GALNT13: variants seen among roughly 807,000 people sequenced by gnomAD.
The protein encoded by GALNT13 is polypeptide N-acetylgalactosaminyltransferase 13, also known as UDP-GalNAc:polypeptide N-acetylgalactosaminyltransferase 13.
GALNT13 carries 28 observed loss-of-function variants against 64.2 expected under a neutral mutation model. The observed-to-expected ratio is 0.44, with a 90% confidence interval of 0.32 to 0.60. The LOEUF is 0.60. Among genes scored for constraint, GALNT13 ranks in the 20% least tolerant of loss-of-function variants. The pLI, the probability that GALNT13 is intolerant of heterozygous loss-of-function variation, is 0.05. For missense variants in GALNT13, 577 were observed against 669.8 expected (o/e 0.86, Z 1.53); for synonymous variants, 214 against 224.6 (o/e 0.95, Z 0.42).
chr2:153,665,443 C>T, the GALNT13 span, among the ~76,000 whole-genome samples: 3 of 152,230 alleles, frequency 2.0e-5, no homozygotes, highest in South Asian at 4.1e-4. Flanking sequence ...TCCTTATTGT[C>T]TATTAATATA....
chr2:153,865,582 A>G, the GALNT13 span, among the ~76,000 whole-genome samples: 1 of 87,176 alleles, frequency 1.1e-5, no homozygotes, highest in Admixed American at 1.5e-4. Flanking sequence ...ACTGGCCATC[A>G]GAGAAATGCA....
At chr2:153,477,387 C>T in the GALNT13 span, 1 of 152,520 alleles carries the variant, frequency 6.6e-6, no homozygotes, top group Non-Finnish European at 1.5e-5. Flanking sequence ...AAGAAAAAAA[C>T]AAAAAGTCAA....
chr2:153,983,474 C>G (rs1352379490), intron 3 of GALNT13, among the ~76,000 whole-genome samples: 3 of 151,778 alleles, frequency 2.0e-5, no homozygotes, highest in African/African-American at 4.8e-5. Context: ...TAATTTAATT[C>G]TCTTCCACCT....
intron 11 of GALNT13, among the ~76,000 whole-genome samples, chr2:154,423,932 T>G (rs760214429): frequency 6.6e-6 from 1 of 152,156 alleles, no homozygotes; most frequent in Admixed American, 6.5e-5. Flanking sequence ...GGAATGACAC[T>G]GTACCTTTGA....
At chr2:153,671,508 T>C in the GALNT13 span, among the ~76,000 whole-genome samples, 1 of 152,078 alleles carries the variant, frequency 6.6e-6, no homozygotes, top group African/African-American at 2.4e-5. Flanking sequence ...TGCTGAGAGA[T>C]TTTGTCACCA....
chr2:153,284,219 C>T, the GALNT13 span, among the ~76,000 whole-genome samples: 2 of 152,158 alleles, frequency 1.3e-5, no homozygotes, highest in African/African-American at 2.4e-5. Flanking sequence ...ACACACAGAC[C>T]TGTTCTGTAT....
the GALNT13 span, among the ~76,000 whole-genome samples, chr2:153,300,130 G>C: frequency 3.9e-5 from 6 of 152,184 alleles, no homozygotes; most frequent in African/African-American, 1.4e-4. Flanking sequence ...AGAAGGAAAA[G>C]TGGGTTGGTT....
chr2:154,366,879 A>G (rs1473628679), intron 9 of GALNT13, among the ~76,000 whole-genome samples: 1 of 152,154 alleles, frequency 6.6e-6, no homozygotes, highest in African/African-American at 2.4e-5. Context: ...CTTAAGGTAC[A>G]GGGACTCCAA....
At chr2:153,294,212 G>A in the GALNT13 span, among the ~76,000 whole-genome samples, 1 of 152,046 alleles carries the variant, frequency 6.6e-6, no homozygotes, top group Non-Finnish European at 1.5e-5. Flanking sequence ...GAGTTTGGGT[G>A]CAGGCAGGTG....
the GALNT13 span, among the ~76,000 whole-genome samples, chr2:153,857,575 A>G: frequency 6.6e-6 from 1 of 152,186 alleles, no homozygotes; most frequent in Admixed American, 6.5e-5. Context: ...ATCAAAGGTC[A>G]TGATCTTTTG....
chr2:154,421,862 G>C (rs534662680), intron 11 of GALNT13, among the ~76,000 whole-genome samples: 1 of 151,810 alleles, frequency 6.6e-6, no homozygotes, highest in Non-Finnish European at 1.5e-5. Flanking sequence ...ATATAAATAG[G>C]CACACAAACC....
chr2:153,535,290 C>G, the GALNT13 span, among the ~76,000 whole-genome samples: 1 of 152,142 alleles, frequency 6.6e-6, no homozygotes, highest in African/African-American at 2.4e-5. Context: ...TGGGACAACT[C>G]AGGATATCTG....
the GALNT13 span, among the ~76,000 whole-genome samples, chr2:153,699,492 A>G: frequency 6.6e-6 from 1 of 152,188 alleles, no homozygotes; most frequent in South Asian, 2.1e-4. Flanking sequence ...CTAAGGTCAG[A>G]GCAGAACTCA....
chr2:154,016,278 A>G (rs149191143), intron 3 of GALNT13, among the ~76,000 whole-genome samples: 11 of 152,378 alleles, frequency 7.2e-5, no homozygotes, highest in African/African-American at 2.2e-4. Flanking sequence ...TGTGGAGTAT[A>G]GAATTAGAAT....
At chr2:153,435,443 G>A in the GALNT13 span, among the ~76,000 whole-genome samples, 1 of 151,960 alleles carries the variant, frequency 6.6e-6, no homozygotes, top group East Asian at 1.9e-4. Context: ...TCACAATATT[G>A]ATTCTTCCTA....
At chr2:153,974,554 G>C (rs1258074443) in intron 3 of GALNT13, among the ~76,000 whole-genome samples, 1 of 152,022 alleles carries the variant, frequency 6.6e-6, no homozygotes, top group East Asian at 1.9e-4. Flanking sequence ...TTTGGAGCTT[G>C]CATGCTAGTG....
chr2:154,401,960 C>T (rs1195313893), intron 10 of GALNT13, among the ~76,000 whole-genome samples: 2 of 152,002 alleles, frequency 1.3e-5, no homozygotes, highest in African/African-American at 4.8e-5. Flanking sequence ...TTAGATTAAA[C>T]AGAAAATATG....
At chr2:153,179,816 G>GATTT in the GALNT13 span, among the ~76,000 whole-genome samples, 1 of 151,948 alleles carries the variant, frequency 6.6e-6, no homozygotes, top group Admixed American at 6.6e-5. Flanking sequence ...CTGTTCTCTT[G>GATTT]ATTTGTTTTT....
chr2:153,911,326 G>A (rs12693862), intron 2 of GALNT13, among the ~76,000 whole-genome samples: 30,636 of 152,060 alleles, frequency 0.2, 4,051 homozygotes, highest in Middle Eastern at 0.33. Flanking sequence ...TAGGTCTCTT[G>A]AAGACAGCAT....
Sources: gnomAD v4.1 joint callset for allele counts (sites outside exome capture counted in the v4.1 genomes callset) on GRCh38, gnomAD v4.1.1 for gene constraint, MANE v1.5 for transcripts, NCBI Gene and HGNC (gene_info 2026-07-23, HGNC 2026-07-21) for gene names.